Variants in FOXP1 observed in about 807,000 individuals in gnomAD.
FOXP1 encodes the protein forkhead box P1, also known as forkhead box protein P1.
In FOXP1, 15 loss-of-function variants were observed where a neutral mutation model predicts 98.2. The ratio of observed to expected loss-of-function variants is 0.15; its 90% CI spans 0.10 to 0.24. The LOEUF is 0.24. Among genes scored for constraint, FOXP1 ranks in the 10% least tolerant of loss-of-function variants. FOXP1 has a pLI of 1.00. For synonymous variants in FOXP1, 371 were observed against 314.5 expected (o/e 1.18, Z -1.90); for missense variants, 633 against 848.5 (o/e 0.75, Z 3.15).
At chr3:71,422,504 C>T (rs1220441225) in intron 3 of FOXP1, among the ~76,000 whole-genome samples, 1 of 152,202 alleles carries the variant, frequency 6.6e-6, no homozygotes, top group Non-Finnish European at 1.5e-5. Context: ...GGTCCCTCCC[C>T]CACGTCCTCA....
chr3:71,520,213 A>G (rs2042878859), intron 2 of FOXP1, among the ~76,000 whole-genome samples: 1 of 152,220 alleles, frequency 6.6e-6, no homozygotes, highest in African/African-American at 2.4e-5. Flanking sequence ...TGAACCACTC[A>G]TAGACTTCTG....
At chr3:71,525,365 C>A (rs1041679267) in intron 2 of FOXP1, among the ~76,000 whole-genome samples, 6 of 152,178 alleles carry the variant, frequency 3.9e-5, no homozygotes, top group Non-Finnish European at 8.8e-5. Flanking sequence ...TTAAGAAATT[C>A]CCTAATTTTC....
intron 13 of FOXP1, among the ~76,000 whole-genome samples, chr3:70,998,063 C>T (rs1395416299): frequency 6.6e-6 from 1 of 152,178 alleles, no homozygotes; most frequent in African/African-American, 2.4e-5. Context: ...AGCGGGTGAG[C>T]AGAGCTTAGG....
intron 5 of FOXP1, among the ~76,000 whole-genome samples, chr3:71,216,272 A>G (rs2064919358): frequency 6.6e-6 from 1 of 152,224 alleles, no homozygotes; most frequent in South Asian, 2.1e-4. Flanking sequence ...ATTTCGCGTG[A>G]ACTCACAAAC....
chr3:71,399,168 CTATGTGTGTACATACACATATGTG>C (rs1358461921), intron 3 of FOXP1, among the ~76,000 whole-genome samples: 1 of 152,056 alleles, frequency 6.6e-6, no homozygotes, highest in African/African-American at 2.4e-5. Flanking sequence ...ATACGTGTGT[CTATGTGTGTACATACACATATGTG>C]TATATGTGTA....
At chr3:71,352,630 A>T (rs529460554) in intron 4 of FOXP1, among the ~76,000 whole-genome samples, 5 of 152,112 alleles carry the variant, frequency 3.3e-5, no homozygotes, top group Non-Finnish European at 7.4e-5. Context: ...TAGAATGATG[A>T]TTACTTCACA....
intron 3 of FOXP1, among the ~76,000 whole-genome samples, chr3:71,380,698 ATTT>A (rs11395817): frequency 4.0e-5 from 4 of 100,290 alleles, no homozygotes; most frequent in South Asian, 3.4e-4. Context: ...CTTTTTAGAC[ATTT>A]TTTTTTTTTT....
chr3:71,333,841 G>A (rs1485200155), intron 4 of FOXP1: 1 of 151,152 alleles, frequency 6.6e-6, no homozygotes, highest in Non-Finnish European at 1.5e-5. Flanking sequence ...CAAAACAAAA[G>A]AAAATAAACA....
At chr3:71,157,315 T>C (rs1241588394) in intron 6 of FOXP1, among the ~76,000 whole-genome samples, 1 of 152,124 alleles carries the variant, frequency 6.6e-6, no homozygotes, top group East Asian at 1.9e-4. Flanking sequence ...CTTGAATGCC[T>C]CCAAATTTGG....
chr3:71,047,472 G>A (rs966564452), intron 9 of FOXP1, among the ~76,000 whole-genome samples: 2 of 152,190 alleles, frequency 1.3e-5, no homozygotes, highest in Non-Finnish European at 2.9e-5. Flanking sequence ...GAACCTTTGA[G>A]GTGTAAAAGA....
At chr3:71,384,344 G>T (rs1190041161) in intron 3 of FOXP1, among the ~76,000 whole-genome samples, 1 of 152,090 alleles carries the variant, frequency 6.6e-6, no homozygotes, top group Non-Finnish European at 1.5e-5. Flanking sequence ...CTGTGTGGAA[G>T]GAAATTGTGG....
At chr3:71,378,378 C>A (rs1246917024) in intron 3 of FOXP1, among the ~76,000 whole-genome samples, 7 of 82,416 alleles carry the variant, frequency 8.5e-5, no homozygotes, top group Non-Finnish European at 2.4e-4. Context: ...GTCTCAGTCA[C>A]CCCCAGTCAA....
chr3:71,341,541 G>T (rs1381230420), intron 4 of FOXP1, among the ~76,000 whole-genome samples: 1 of 152,104 alleles, frequency 6.6e-6, no homozygotes, highest in Admixed American at 6.6e-5. Flanking sequence ...GGCAGAGGCG[G>T]GTGGATCACC....
intron 5 of FOXP1, among the ~76,000 whole-genome samples, chr3:71,199,948 T>C (rs1447062931): frequency 6.6e-6 from 1 of 151,626 alleles, no homozygotes; most frequent in Non-Finnish European, 1.5e-5. Flanking sequence ...TGGTGGTGTG[T>C]ACCTGTAATC....
intron 3 of FOXP1, among the ~76,000 whole-genome samples, chr3:71,489,653 C>G (rs2090920951): frequency 6.6e-6 from 1 of 152,180 alleles, no homozygotes; most frequent in Non-Finnish European, 1.5e-5. Context: ...CAGGAGCCAA[C>G]TCTGACTCCT....
intron 11 of FOXP1, among the ~76,000 whole-genome samples, chr3:71,032,624 C>A (rs568190420): frequency 6.6e-6 from 1 of 151,972 alleles, no homozygotes; most frequent in Non-Finnish European, 1.5e-5. Flanking sequence ...GTGAGCCAGT[C>A]GGCAGAGAGG....
intron 11 of FOXP1, among the ~76,000 whole-genome samples, chr3:71,029,674 A>G (rs560816893): frequency 9.2e-5 from 14 of 152,314 alleles, no homozygotes; most frequent in African/African-American, 2.6e-4. Context: ...TGTAGGCATC[A>G]GCCACCACGC....
intron 9 of FOXP1, among the ~76,000 whole-genome samples, chr3:71,051,569 C>T (rs2049899491): frequency 6.6e-6 from 1 of 152,176 alleles, no homozygotes; most frequent in Admixed American, 6.5e-5. Flanking sequence ...CTGCTTAGGG[C>T]TGGTGAAGAA....
At position 71,412,595 on chromosome 3, in the gene FOXP1, C is replaced by T. The variant is rs1323454390; in HGVS notation, c.-167-53351G>A. Among the ~76,000 whole-genome samples, 3 of 152,124 alleles carry T rather than the reference C, an allele frequency of 2.0e-5. No individual in the cohort carries two copies. In the East Asian group the frequency reaches 5.8e-4, roughly 29 times the overall value. On this transcript the variant is annotated intron_variant, in intron 3 of 20. Coordinates refer to ENST00000649528, the MANE Select transcript of FOXP1 (RefSeq NM_001349338.3). ...AAAATGTTACCCAAGAGGGATGCACCATTCTGAACAACTCAACATGATGCA... is the reference window on the plus strand; with the variant it reads ...AAAATGTTACCCAAGAGGGATGCACTATTCTGAACAACTCAACATGATGCA...
Sources: gnomAD v4.1 joint callset for allele counts (sites outside exome capture counted in the v4.1 genomes callset) on GRCh38, gnomAD v4.1.1 for gene constraint, MANE v1.5 for transcripts, NCBI Gene and HGNC (gene_info 2026-07-23, HGNC 2026-07-21) for gene names.